The following FBXL7 variants were observed in gnomAD, a reference collection of about 807,000 sequenced individuals.
The protein encoded by FBXL7 is F-box and leucine rich repeat protein 7.
A neutral mutation model predicts 38.3 loss-of-function variants in FBXL7; 12 were observed. That is an observed-to-expected ratio of 0.31 (90% CI 0.20 to 0.51). The LOEUF (loss-of-function observed/expected upper bound fraction) is 0.51. Among genes scored for constraint, FBXL7 ranks in the 20% least tolerant of loss-of-function variants. The pLI is 0.98. For missense variants in FBXL7, 567 were observed against 676.4 expected, an observed-to-expected ratio of 0.84 and a Z score of 1.79; for synonymous variants, 297 against 300.9, an observed-to-expected ratio of 0.99 and a Z score of 0.13.
chr5:15,569,823 C>T (rs1405539838), intron 1 of FBXL7, among the ~76,000 whole-genome samples: 1 of 152,136 alleles, frequency 6.6e-6, no homozygotes, highest in Non-Finnish European at 1.5e-5. Flanking sequence ...TTTTCAAAGG[C>T]CTTTTCTGCA....
chr5:15,917,621 A>G (rs1317293297), intron 2 of FBXL7, among the ~76,000 whole-genome samples: 1 of 147,728 alleles, frequency 6.8e-6, no homozygotes, highest in Non-Finnish European at 1.5e-5. Flanking sequence ...AATAAAGTAA[A>G]TGAAAGAAAG....
In FBXL7 at chr5:15,783,897, T is replaced by C. The variant is rs1250473721; in HGVS notation, c.128-143993T>C. Among the ~76,000 whole-genome samples, 3 of 152,130 alleles carry C rather than the reference T, an allele frequency of 2.0e-5. No individual in the cohort carries two copies. In the East Asian group the frequency reaches 5.8e-4, roughly 29 times the overall value. Reference sequence around the variant, plus strand: ...GAATGGGAATGAGGGCTCTCACAGATCTCACAGGAAACTTGCACTTTTGGC... The same window carrying C: ...GAATGGGAATGAGGGCTCTCACAGACCTCACAGGAAACTTGCACTTTTGGC... On this transcript the variant is annotated intron_variant, in intron 2 of 3. Transcript: ENST00000504595.
chr5:15,803,352 C>A (rs1737620848), intron 2 of FBXL7, among the ~76,000 whole-genome samples: 1 of 152,060 alleles, frequency 6.6e-6, no homozygotes, highest in South Asian at 2.1e-4. Context: ...CTTCTACATG[C>A]ATTTAAAAAT....
chr5:15,811,695 C>A (rs1372866305), intron 2 of FBXL7, among the ~76,000 whole-genome samples: 5 of 151,938 alleles, frequency 3.3e-5, no homozygotes, highest in Non-Finnish European at 5.9e-5. Context: ...GCAGACACTT[C>A]GCAAAAGAAG....
At position 15,533,407 on chromosome 5, in the gene FBXL7, G is replaced by A. The variant is rs1737483010; in HGVS notation, c.37+32694G>A. 3.9e-5 allele frequency among the ~76,000 whole-genome samples: 6 copies of A among 152,184 alleles called. No individual in the cohort carries two copies. In the South Asian group the frequency reaches 1.0e-3, roughly 26 times the overall value. On this transcript the variant is annotated intron_variant, in intron 1 of 3. Transcript: ENST00000504595. The stretch of plus-strand genomic sequence containing the variant: ...GGTGTGTGGTTATGAGTGATATTAA[G>A]CATTGTTTACTTGGTGGGGAGCCAA...
At chr5:15,660,483 A>G (rs1006963637) in intron 2 of FBXL7, among the ~76,000 whole-genome samples, 2 of 152,114 alleles carry the variant, frequency 1.3e-5, no homozygotes, top group African/African-American at 4.8e-5. Context: ...CAGCCTCCCA[A>G]GTAGCTGGGA....
At chr5:15,828,123 A>G (rs1013406133) in intron 2 of FBXL7, among the ~76,000 whole-genome samples, 1 of 152,246 alleles carries the variant, frequency 6.6e-6, no homozygotes, top group Admixed American at 6.5e-5. Context: ...CCAGTTTCAC[A>G]TCATACCTGA....
chr5:15,636,678 A>G (rs1362324094), intron 2 of FBXL7, among the ~76,000 whole-genome samples: 2 of 131,946 alleles, frequency 1.5e-5, no homozygotes, highest in African/African-American at 5.8e-5. Flanking sequence ...AAGGGCTAAA[A>G]CCTTTTTTTT....
chr5:15,701,280 A>C (rs1473417600), intron 2 of FBXL7, among the ~76,000 whole-genome samples: 2 of 152,232 alleles, frequency 1.3e-5, no homozygotes, highest in African/African-American at 4.8e-5. Flanking sequence ...ATCTAAGCCA[A>C]AATAACACTT....
At chr5:15,919,671 A>T (rs1460611842) in intron 2 of FBXL7, among the ~76,000 whole-genome samples, 24 of 152,368 alleles carry the variant, frequency 1.6e-4, no homozygotes, top group East Asian at 3.9e-4. Flanking sequence ...CATTGTGTCA[A>T]GAAAATATTA....
chr5:15,923,267 T>C (rs547395031), intron 2 of FBXL7, among the ~76,000 whole-genome samples: 2 of 152,328 alleles, frequency 1.3e-5, no homozygotes, highest in African/African-American at 4.8e-5. Flanking sequence ...AAAAACTGTG[T>C]ACAAAGAGTA....
At chr5:15,628,418 C>T (rs1343260868) in intron 2 of FBXL7, among the ~76,000 whole-genome samples, 1 of 152,044 alleles carries the variant, frequency 6.6e-6, no homozygotes, top group Non-Finnish European at 1.5e-5. Context: ...GGGTAGTGGC[C>T]CATAAGGTGA....
intron 2 of FBXL7, among the ~76,000 whole-genome samples, chr5:15,728,539 A>G (rs899274963): frequency 6.6e-6 from 1 of 152,194 alleles, no homozygotes; most frequent in Non-Finnish European, 1.5e-5. Context: ...TGGCTATTGG[A>G]AAGAAATAGT....
rs140368678 is a variant in FBXL7 at position 15,875,702 on chromosome 5, A to G, written c.128-52188A>G. ...AAATGCAAATCAAAACCACAATGAA[A>G]TACCATCTCACACCAGTTAAAATGG... On this transcript the variant is annotated intron_variant, in intron 2 of 3. Coordinates refer to ENST00000504595, the MANE Select transcript of FBXL7 (RefSeq NM_012304.5). 4.9e-3 allele frequency among the ~76,000 whole-genome samples: 741 copies of G among 152,322 alleles called. 3 individuals carry two copies. Among genetic ancestry groups the G allele is most frequent in the African/African-American group, 0.017 (708 of 41,578 alleles).
chr5:15,575,120 G>T (rs1009894206), intron 1 of FBXL7, among the ~76,000 whole-genome samples: 1 of 152,210 alleles, frequency 6.6e-6, no homozygotes, highest in African/African-American at 2.4e-5. Context: ...ACACAGGACA[G>T]CATCCACAAC....
chr5:15,770,989 T>G lies in FBXL7; in HGVS notation c.127+154917T>G, dbSNP rs1421092482. Among the ~76,000 whole-genome samples the G allele has an allele frequency of 1.2e-4, 18 of 152,338 alleles. No individual in the cohort carries two copies. In the South Asian group the frequency reaches 2.1e-3, roughly 18 times the overall value. On this transcript the variant is annotated intron_variant, in intron 2 of 3. Coordinates refer to ENST00000504595, the MANE Select transcript of FBXL7 (RefSeq NM_012304.5). ...CTTATTTTTATATAGCTCAGCAAGTTAAACCTTTTAACGGAATTTCCACAT... is the reference window on the plus strand; with the variant it reads ...CTTATTTTTATATAGCTCAGCAAGTGAAACCTTTTAACGGAATTTCCACAT...
At chr5:15,885,714 AT>A (rs200178872) in intron 2 of FBXL7, among the ~76,000 whole-genome samples, 2 of 151,202 alleles carry the variant, frequency 1.3e-5, no homozygotes, top group Non-Finnish European at 3.0e-5. Context: ...TGTTAGTCAC[AT>A]TTTTTTTTAT....
At chr5:15,572,767 C>T (rs927996265) in intron 1 of FBXL7, among the ~76,000 whole-genome samples, 1 of 152,104 alleles carries the variant, frequency 6.6e-6, no homozygotes, top group Non-Finnish European at 1.5e-5. Flanking sequence ...GAGGCTGCAA[C>T]CTATAGTCTG....
At chr5:15,876,891 G>A in intron 2 of FBXL7, among the ~76,000 whole-genome samples, 1 of 152,184 alleles carries the variant, frequency 6.6e-6, no homozygotes, top group Non-Finnish European at 1.5e-5. Flanking sequence ...GTGGGAGATG[G>A]TTACTAAGTA....
Sources: gnomAD v4.1 joint callset for allele counts (sites outside exome capture counted in the v4.1 genomes callset) on GRCh38, gnomAD v4.1.1 for gene constraint, MANE v1.5 for transcripts, NCBI Gene and HGNC (gene_info 2026-07-23, HGNC 2026-07-21) for gene names.